The following TRIM37 variants were observed in gnomAD, a reference collection of about 807,000 sequenced individuals.
The protein encoded by TRIM37 is E3 ubiquitin-protein ligase TRIM37.
Under a neutral mutation model 129.8 loss-of-function variants are expected in TRIM37, and 80 were observed. That is an observed-to-expected ratio of 0.62 (90% CI 0.51 to 0.74). The LOEUF (loss-of-function observed/expected upper bound fraction) is 0.74, where lower values mean the gene tolerates loss of function less well. TRIM37 is among the 30% of genes least tolerant of loss of function. The pLI is 0.00. For synonymous variants in TRIM37, 389 were observed against 387.1 expected (o/e 1.00, Z -0.06); for missense variants, 1,054 against 1,176.5 (o/e 0.90, Z 1.52).
In TRIM37 at chr17:59,049,351, A is replaced by T. The variant is rs200578021; in HGVS notation, c.1357T>A (p.Leu453Met). 620 of 1,614,016 alleles carry T rather than the reference A, an allele frequency of 3.8e-4. No individual in the cohort carries two copies. The highest frequency in any genetic ancestry group is 5.1e-4 in the Non-Finnish European group (598 of 1,180,024). The change falls in exon 15 of 24, where the codon TTG becomes ATG. Residue 453 changes from leucine to methionine, a missense_variant. Coordinates refer to ENST00000262294, the MANE Select transcript of TRIM37 (RefSeq NM_015294.6). Reference protein sequence around the residue: ...ELSRTQKSRDLSPPDNHLSPQ... With the variant: ...ELSRTQKSRDMSPPDNHLSPQ... ...CTAAGATGGTTATCTGGTGGTGACA[A>T]ATCTCTTGACTTCTGAGTTCGAGAC...
intron 22 of TRIM37, among the ~76,000 whole-genome samples, chr17:59,011,847 A>G (rs1185608106): frequency 6.6e-6 from 1 of 152,236 alleles, no homozygotes; most frequent in African/African-American, 2.4e-5. Flanking sequence ...TTTAAAAAAT[A>G]CTTAACATTT....
At chr17:59,013,832 A>C (rs945533093) in intron 21 of TRIM37, among the ~76,000 whole-genome samples, 1 of 152,110 alleles carries the variant, frequency 6.6e-6, no homozygotes, top group Non-Finnish European at 1.5e-5. Context: ...CCAGCCTTTC[A>C]TTAGTATTTA....
Position 59,031,907 on chromosome 17 carries a change from AG to A in TRIM37, c.1936del (p.Leu646CysfsTer27). 6.2e-7 allele frequency: 1 copy of A among 1,614,050 alleles called. No individual in the cohort carries two copies. Among genetic ancestry groups the A allele is most frequent in the Non-Finnish European group, 8.5e-7 (1 of 1,179,940 alleles). On this transcript the variant is annotated frameshift_variant, in exon 18 of 24. Transcript: ENST00000262294. LOFTEE classifies it high-confidence loss of function. ...TGTTATTATTTTACCTGTGGGCTGCAGAAGTGAAGCAGGTGGGCGAGGCTGT... is the reference window on the plus strand; with the variant it reads ...TGTTATTATTTTACCTGTGGGCTGCAAAGTGAAGCAGGTGGGCGAGGCTGT... ...GLQPRPPASLLQPTASYSRKD... is the reference protein window; with the variant it reads ...GLQPRPPASLXQPTASYSRKD...
chr17:59,077,198 G>A (rs953112341), intron 7 of TRIM37, among the ~76,000 whole-genome samples: 3 of 151,476 alleles, frequency 2.0e-5, no homozygotes, highest in Non-Finnish European at 2.9e-5. Flanking sequence ...AGGCTCAAGC[G>A]ATCCTCCCAC....
chr17:59,061,078 A>G lies in TRIM37; in HGVS notation c.973T>C (p.Leu325=). 6.2e-7 allele frequency: 1 copy of G among 1,613,738 alleles called. No individual in the cohort carries two copies. Among genetic ancestry groups the G allele is most frequent in the Non-Finnish European group, 8.5e-7 (1 of 1,179,756 alleles). ...DGNGVVRGYY[L]SVFLELSAGL... The stretch of plus-strand genomic sequence containing the variant: ...GCTGAGAGCTCCAGAAACACAGATA[A>G]GTAGTAACCTCGCACAACTCCATTT... Residue 325 remains leucine, a synonymous_variant, in exon 12 of 24, where the codon TTA becomes CTA. Coordinates refer to ENST00000262294, the MANE Select transcript of TRIM37 (RefSeq NM_015294.6).
chr17:59,088,244 C>A (rs2043953991), intron 4 of TRIM37, 47 bp downstream of exon 4: 3 of 1,316,192 alleles, frequency 2.3e-6, no homozygotes, highest in Non-Finnish European at 3.3e-6. Flanking sequence ...TTAAACAATA[C>A]AAAGGCAAAA....
rs569866451 is a variant in TRIM37, at chr17:59,030,289, TAG to T, written c.1949-1568_1949-1567del. On this transcript the variant is annotated intron_variant, in intron 18 of 23. Coordinates refer to ENST00000262294, the MANE Select transcript of TRIM37 (RefSeq NM_015294.6). Reference sequence around the variant, plus strand: ...GCCGGCTAATTTTTTGTATTTTTAGTAGAGACAGGGTTTCACCATGTTGGCTA... The same window carrying T: ...GCCGGCTAATTTTTTGTATTTTTAGTAGACAGGGTTTCACCATGTTGGCTA... 7.4e-4 allele frequency among the ~76,000 whole-genome samples: 112 copies of T among 152,332 alleles called. 1 individual carries two copies. The highest frequency in any genetic ancestry group is 2.6e-3 in the African/African-American group (110 of 41,584).
intron 17 of TRIM37, among the ~76,000 whole-genome samples, chr17:59,037,414 C>T (rs563956636): frequency 2.0e-5 from 3 of 151,350 alleles, no homozygotes; most frequent in East Asian, 2.0e-4. Flanking sequence ...AAAAATCAGC[C>T]GGGCGTGGTG....
intron 23 of TRIM37, among the ~76,000 whole-genome samples, chr17:58,999,804 A>G (rs1459362699): frequency 6.6e-6 from 1 of 152,228 alleles, no homozygotes; most frequent in African/African-American, 2.4e-5. Flanking sequence ...AGACCTTATA[A>G]ACATAAAACA....
intron 24 of TRIM37, chr17:58,984,301 C>T (rs919704544): frequency 1.3e-5 from 2 of 152,636 alleles, no homozygotes; most frequent in African/African-American, 4.8e-5. Flanking sequence ...TGTTGAAACA[C>T]TGTGCCAGTG....
chr17:59,035,755 AC>A (rs905437166), intron 17 of TRIM37, among the ~76,000 whole-genome samples: 10 of 151,906 alleles, frequency 6.6e-5, no homozygotes, highest in African/African-American at 2.4e-4. Flanking sequence ...AAACAAAAAA[AC>A]AAAAAACCAA....
chr17:58,977,331 T>C, the TRIM37 span, among the ~76,000 whole-genome samples: 29 of 151,438 alleles, frequency 1.9e-4, no homozygotes, highest in African/African-American at 6.8e-4. Flanking sequence ...TAATCCCAGC[T>C]ACTTGGGAGG....
At chr17:59,035,478 G>A (rs1180815134) in intron 17 of TRIM37, among the ~76,000 whole-genome samples, 2 of 151,974 alleles carry the variant, frequency 1.3e-5, no homozygotes, top group African/African-American at 4.8e-5. Flanking sequence ...ATACAGCCAG[G>A]CGCGGTGGTT....
At chr17:59,007,334 G>A (rs902379923) in intron 22 of TRIM37, among the ~76,000 whole-genome samples, 1 of 150,098 alleles carries the variant, frequency 6.7e-6, no homozygotes, top group Non-Finnish European at 1.5e-5. Flanking sequence ...ATTTGTTAAT[G>A]TAAAAGAGTT....
intron 9 of TRIM37, among the ~76,000 whole-genome samples, chr17:59,065,859 T>G (rs1453089759): frequency 1.3e-5 from 2 of 152,210 alleles, no homozygotes; most frequent in Admixed American, 1.3e-4. Flanking sequence ...AATTCTTTAT[T>G]TCAATGTAAG....
intron 23 of TRIM37, among the ~76,000 whole-genome samples, chr17:59,000,667 G>A (rs937946832): frequency 6.6e-6 from 1 of 152,084 alleles, no homozygotes; most frequent in Non-Finnish European, 1.5e-5. Flanking sequence ...ATTAATAGTA[G>A]GTTTCTCTTG....
chr17:59,079,316 T>C (rs773615565), intron 7 of TRIM37, among the ~76,000 whole-genome samples: 6 of 152,174 alleles, frequency 3.9e-5, no homozygotes, highest in Non-Finnish European at 7.3e-5. Context: ...ATTAAGCATA[T>C]GTAAAATGAA....
intron 8 of TRIM37, among the ~76,000 whole-genome samples, chr17:59,072,615 G>A (rs1039224984): frequency 4.6e-5 from 7 of 151,948 alleles, no homozygotes; most frequent in African/African-American, 1.7e-4. Flanking sequence ...GGGCGTGGTG[G>A]CACGTGCCTG....
chr17:59,067,985 G>A (rs1475146920), intron 9 of TRIM37, among the ~76,000 whole-genome samples: 1 of 152,138 alleles, frequency 6.6e-6, no homozygotes, highest in Non-Finnish European at 1.5e-5. Flanking sequence ...AGAACTAAAG[G>A]CAATAGAAAC....
Sources: allele counts gnomAD v4.1 joint callset (sites outside exome capture counted in the v4.1 genomes callset), GRCh38; gene constraint gnomAD v4.1.1; transcripts MANE v1.5; gene names NCBI Gene and HGNC (gene_info 2026-07-23, HGNC 2026-07-21).